Variants in RBFOX1 observed in about 807,000 individuals in gnomAD.
The protein encoded by RBFOX1 is RNA binding protein fox-1 homolog 1.
A neutral mutation model predicts 57.7 loss-of-function variants in RBFOX1; 8 were observed. The ratio of observed to expected loss-of-function variants is 0.14; its 90% CI spans 0.08 to 0.25. The LOEUF (loss-of-function observed/expected upper bound fraction) is 0.25, where lower values mean the gene tolerates loss of function less well. Among genes scored for constraint, RBFOX1 ranks in the 10% least tolerant of loss-of-function variants. The pLI is 1.00. For missense variants in RBFOX1, 611 were observed against 548.5 expected, an observed-to-expected ratio of 1.11 and a Z score of -1.14; for synonymous variants, 326 against 222.4, an observed-to-expected ratio of 1.47 and a Z score of -4.15.
At chr16:7,276,954 T>C (rs982762035) in intron 4 of RBFOX1, among the ~76,000 whole-genome samples, 1 of 152,232 alleles carries the variant, frequency 6.6e-6, no homozygotes, top group Non-Finnish European at 1.5e-5. Context: ...TGTGAGGCAA[T>C]ATAATCAAAA....
intron 2 of RBFOX1, among the ~76,000 whole-genome samples, chr16:6,653,993 A>G (rs200424438): frequency 9.0e-5 from 11 of 122,718 alleles, no homozygotes; most frequent in Admixed American, 4.7e-4. Context: ...GGATGGATGG[A>G]TGGATGGATG....
At chr16:7,699,524 C>T (rs1421230542) in intron 14 of RBFOX1, among the ~76,000 whole-genome samples, 5 of 152,172 alleles carry the variant, frequency 3.3e-5, no homozygotes, top group African/African-American at 1.2e-4. Context: ...AAAAAGAGCA[C>T]ACAATAGGAC....
intron 4 of RBFOX1, among the ~76,000 whole-genome samples, chr16:7,355,632 G>A (rs1025854385): frequency 6.6e-6 from 1 of 152,056 alleles, no homozygotes; most frequent in African/African-American, 2.4e-5. Context: ...GTCTGTACAG[G>A]TCCACTCTAT....
chr16:5,871,958 C>G (rs1313510385), intron 4 of RBFOX1, among the ~76,000 whole-genome samples: 1 of 152,134 alleles, frequency 6.6e-6, no homozygotes, highest in African/African-American at 2.4e-5. Flanking sequence ...ACTCAGTGGC[C>G]TTGGGAGAAT....
At chr16:7,110,276 C>T (rs1293816212) in intron 4 of RBFOX1, among the ~76,000 whole-genome samples, 1 of 151,730 alleles carries the variant, frequency 6.6e-6, no homozygotes, top group Admixed American at 6.6e-5. Context: ...CAGAAGGATC[C>T]CCGGAACCTA....
intron 3 of RBFOX1, among the ~76,000 whole-genome samples, chr16:6,672,138 G>T (rs2098769366): frequency 1.3e-5 from 2 of 152,102 alleles, no homozygotes; most frequent in South Asian, 4.2e-4. Flanking sequence ...GGAGGCTAAG[G>T]TAACATTAGC....
chr16:7,431,420 G>GTGTT (rs1239034929), intron 4 of RBFOX1: 1 of 151,936 alleles, frequency 6.6e-6, no homozygotes, highest in Admixed American at 6.6e-5. Context: ...GTGTGTGTGT[G>GTGTT]TGTGTAGATG....
chr16:5,637,282 G>T (rs1251632104), intron 3 of RBFOX1, among the ~76,000 whole-genome samples: 3 of 152,174 alleles, frequency 2.0e-5, no homozygotes, highest in African/African-American at 4.8e-5. Context: ...GGAAAATGGG[G>T]CAAGTGTCTA....
At chr16:5,573,653 C>T (rs1286534540) in intron 2 of RBFOX1, among the ~76,000 whole-genome samples, 2 of 152,156 alleles carry the variant, frequency 1.3e-5, no homozygotes, top group African/African-American at 4.8e-5. Context: ...TCCAGGCATC[C>T]CAAGGCTCCT....
intron 1 of RBFOX1, among the ~76,000 whole-genome samples, chr16:5,358,222 T>C (rs1429925114): frequency 6.6e-6 from 1 of 152,066 alleles, no homozygotes; most frequent in South Asian, 2.1e-4. Context: ...TAGCTAGGCC[T>C]TCTCCCTGTG....
At chr16:7,003,262 C>A (rs567764149) in intron 3 of RBFOX1, among the ~76,000 whole-genome samples, 285 of 152,026 alleles carry the variant, frequency 1.9e-3, no homozygotes, top group Non-Finnish European at 3.2e-3. Flanking sequence ...AGATCAAGAC[C>A]ATCCTGGCCA....
At chr16:5,614,417 A>G (rs2047942825) in intron 3 of RBFOX1, among the ~76,000 whole-genome samples, 1 of 152,048 alleles carries the variant, frequency 6.6e-6, no homozygotes, top group Non-Finnish European at 1.5e-5. Context: ...ATGTTGCTCA[A>G]TTTCAGTTCA....
At position 5,875,909 on chromosome 16, in the gene RBFOX1, T is replaced by C. The variant is rs1053971477; in HGVS notation, c.351+8574T>C. 5.3e-5 allele frequency among the ~76,000 whole-genome samples: 8 copies of C among 151,568 alleles called. No individual in the cohort carries two copies. In the South Asian group the frequency reaches 1.7e-3, roughly 32 times the overall value. On this transcript the variant is annotated intron_variant, in intron 4 of 19. Coordinates refer to the RBFOX1 transcript ENST00000641259. The stretch of plus-strand genomic sequence containing the variant: ...CCCAGGCTGGAGTGCAGTGGCGCCA[T>C]CTGGGCTCACTGCAAGCCCCGCCTC...
chr16:5,604,814 T>A (rs2047508490), downstream of RBFOX1, among the ~76,000 whole-genome samples: 1 of 152,178 alleles, frequency 6.6e-6, no homozygotes, highest in Non-Finnish European at 1.5e-5. Flanking sequence ...CCAGACCACT[T>A]CAGTGTTTGA....
chr16:5,796,247 A>G (rs778960761), intron 3 of RBFOX1, among the ~76,000 whole-genome samples: 57 of 152,216 alleles, frequency 3.7e-4, no homozygotes, highest in Non-Finnish European at 6.6e-4. Flanking sequence ...TCTGGAAGGA[A>G]GTGGATGTGG....
chr16:5,421,899 C>G (rs888884416), intron 1 of RBFOX1, among the ~76,000 whole-genome samples: 1 of 152,114 alleles, frequency 6.6e-6, no homozygotes. Context: ...CATGAAAACC[C>G]AAACTCAATA....
intron 3 of RBFOX1, among the ~76,000 whole-genome samples, chr16:6,700,583 G>A (rs745834606): frequency 3.3e-5 from 5 of 152,118 alleles, no homozygotes; most frequent in African/African-American, 9.6e-5. Flanking sequence ...GCTTGAACCC[G>A]GGAGGCAGAG....
At chr16:7,086,823 C>G (rs1016129798) in intron 4 of RBFOX1, among the ~76,000 whole-genome samples, 2 of 152,156 alleles carry the variant, frequency 1.3e-5, no homozygotes, top group Non-Finnish European at 2.9e-5. Context: ...GCTAGCAAGT[C>G]TTCTTGAAGC....
Position 7,418,060 on chromosome 16 carries a change from C to T in RBFOX1, c.28-100087C>T, listed in dbSNP as rs539546779. On this transcript the variant is annotated intron_variant, in intron 4 of 15. Coordinates refer to ENST00000550418, the MANE Select transcript of RBFOX1 (RefSeq NM_018723.4). ...TCAGATCACATTCAGTCACTGGAGGCCAAGACACTCCCTGTCACTCTCTGC... is the reference window on the plus strand; with the variant it reads ...TCAGATCACATTCAGTCACTGGAGGTCAAGACACTCCCTGTCACTCTCTGC... 1.1e-4 allele frequency among the ~76,000 whole-genome samples: 16 copies of T among 152,206 alleles called. No homozygotes were observed. The East Asian group carries it at 2.9e-3, about 28-fold the overall frequency.
Sources: gnomAD v4.1 joint callset for allele counts (sites outside exome capture counted in the v4.1 genomes callset) on GRCh38, gnomAD v4.1.1 for gene constraint, MANE v1.5 for transcripts, NCBI Gene and HGNC (gene_info 2026-07-23, HGNC 2026-07-21) for gene names.